The following SYN2 variants were observed in gnomAD, a reference collection of about 807,000 sequenced individuals.
The protein encoded by SYN2 is synapsin-2.
Under a neutral mutation model 50.9 loss-of-function variants are expected in SYN2, and 19 were observed. The observed-to-expected ratio is 0.37, with a 90% CI of 0.26 to 0.55. The LOEUF (loss-of-function observed/expected upper bound fraction) is 0.55. SYN2 is among the 20% of genes least tolerant of loss of function. The probability of loss-of-function intolerance (pLI) is 0.81; values close to 1 mark genes in which losing one functional copy is unlikely to be tolerated. For missense variants in SYN2, 587 were observed against 576.4 expected, an observed-to-expected ratio of 1.02 and a Z score of -0.19; for synonymous variants, 255 against 224.9, an observed-to-expected ratio of 1.13 and a Z score of -1.20.
chr3:12,063,828 A>G (rs1301383235), intron 1 of SYN2, among the ~76,000 whole-genome samples: 1 of 151,972 alleles, frequency 6.6e-6, no homozygotes, highest in African/African-American at 2.4e-5. Flanking sequence ...GATGCAAATA[A>G]ATGATTAAAG....
chr3:12,071,638 G>A, intron 1 of SYN2: 1 of 327,322 alleles, frequency 3.1e-6, no homozygotes, highest in South Asian at 2.7e-5. Flanking sequence ...TGGTCACTTT[G>A]TGGCTGTTGT....
chr3:12,124,799 C>G (rs1482995969), intron 1 of SYN2, among the ~76,000 whole-genome samples: 1 of 152,004 alleles, frequency 6.6e-6, no homozygotes, highest in Non-Finnish European at 1.5e-5. Flanking sequence ...AAAACACATA[C>G]AGGAATAATG....
chr3:12,043,758 T>G (rs964975997), intron 1 of SYN2, among the ~76,000 whole-genome samples: 4 of 152,142 alleles, frequency 2.6e-5, no homozygotes, highest in African/African-American at 4.8e-5. Context: ...ATATGACCTT[T>G]CCTATGGAAA....
chr3:12,109,586 A>G (rs763940284), intron 1 of SYN2, among the ~76,000 whole-genome samples: 1 of 152,182 alleles, frequency 6.6e-6, no homozygotes, highest in Non-Finnish European at 1.5e-5. Context: ...AGTAAATGTG[A>G]GTTCTCTTTT....
chr3:12,168,504 G>T, intron 9 of SYN2, 26 bp downstream of exon 9: 1 of 1,592,790 alleles, frequency 6.3e-7, no homozygotes, highest in Middle Eastern at 1.7e-4. Flanking sequence ...GCAGTAAGAG[G>T]TAACTCCTAA....
rs549370323 is a variant in SYN2, at chr3:12,070,757, C to T, written c.377+65829C>T. On this transcript the variant is annotated intron_variant, in intron 1 of 12. Coordinates refer to ENST00000621198, the MANE Select transcript of SYN2 (RefSeq NM_133625.6). ...TACGAGGCCTAAGCCCTCCCCCATG[C>T]CGTCCTGCATCTGGACCTGGCTGGT... The T allele has an allele frequency of 1.5e-5, 11 of 725,216 alleles. No individual in the cohort carries two copies. In the Admixed American group the frequency reaches 1.7e-4, roughly 11 times the overall value. The allele number at this position is 725,216 out of a possible 1,614,324, so 44.9% of individuals were successfully genotyped here. A position where few individuals can be genotyped will look rare whatever the true frequency, so the allele number is the denominator to read the frequency against.
At chr3:12,163,315 G>C (rs2125237748) in intron 7 of SYN2, among the ~76,000 whole-genome samples, 1 of 150,880 alleles carries the variant, frequency 6.6e-6, no homozygotes, top group South Asian at 2.1e-4. Flanking sequence ...TTAATATATA[G>C]ATTTGATCTT....
chr3:12,050,709 C>A (rs1480482535), intron 1 of SYN2, among the ~76,000 whole-genome samples: 1 of 61,690 alleles, frequency 1.6e-5, no homozygotes, highest in Non-Finnish European at 4.0e-5. Flanking sequence ...TTCTTCTCTT[C>A]TCTTTTTTTT....
intron 12 of SYN2, among the ~76,000 whole-genome samples, chr3:12,188,150 C>G (rs749164233): frequency 1.3e-5 from 2 of 152,228 alleles, no homozygotes; most frequent in Non-Finnish European, 2.9e-5. Context: ...TCAGCTCTGT[C>G]CAAAGGAGGT....
intron 1 of SYN2, among the ~76,000 whole-genome samples, chr3:12,117,808 C>A (rs778898939): frequency 1.2e-4 from 19 of 152,190 alleles, no homozygotes; most frequent in Non-Finnish European, 2.5e-4. Flanking sequence ...GCATCTTCCC[C>A]ATAGACAGGA....
chr3:12,023,505 G>A (rs1286358896), intron 1 of SYN2, among the ~76,000 whole-genome samples: 1 of 152,200 alleles, frequency 6.6e-6, no homozygotes, highest in African/African-American at 2.4e-5. Context: ...ATGGTGAAAA[G>A]AGGAAGGCAC....
intron 1 of SYN2, among the ~76,000 whole-genome samples, chr3:12,064,941 A>C (rs1695181356): frequency 6.6e-6 from 1 of 152,174 alleles, no homozygotes; most frequent in Non-Finnish European, 1.5e-5. Context: ...AGCGTTATTC[A>C]TATAGCCAAA....
At chr3:12,184,229 G>A (rs1208874320) in intron 11 of SYN2, 1 of 985,840 alleles carries the variant, frequency 1.0e-6, no homozygotes, top group East Asian at 1.1e-4. Context: ...AAAAAATGGG[G>A]CCGCTGATGT....
intron 8 of SYN2, 102 bp downstream of exon 8, chr3:12,167,410 C>T (rs1450355618): frequency 8.2e-7 from 1 of 1,217,074 alleles, no homozygotes; most frequent in African/African-American, 1.5e-5. Flanking sequence ...AGTCATGGAG[C>T]AAACCGGACA....
chr3:12,169,207 C>T (rs1045633597), intron 9 of SYN2, among the ~76,000 whole-genome samples: 4 of 152,142 alleles, frequency 2.6e-5, no homozygotes, highest in African/African-American at 9.7e-5. Context: ...GAGGCATACA[C>T]TTTCTAAAGG....
chr3:12,033,669 A>C (rs888769182), intron 1 of SYN2, among the ~76,000 whole-genome samples: 2 of 152,112 alleles, frequency 1.3e-5, no homozygotes, highest in Non-Finnish European at 2.9e-5. Context: ...AGTATTTCCC[A>C]TTCCTCCCTT....
chr3:12,099,975 G>GGAAAAAA (rs1553614911), intron 1 of SYN2, among the ~76,000 whole-genome samples: 5 of 120,186 alleles, frequency 4.2e-5, no homozygotes, highest in Admixed American at 3.8e-4. Context: ...AAAAAAAAAA[G>GGAAAAAA]AAAAAAAAAA....
At chr3:12,012,524 C>T (rs1261997656) in intron 1 of SYN2, among the ~76,000 whole-genome samples, 1 of 152,180 alleles carries the variant, frequency 6.6e-6, no homozygotes, top group East Asian at 1.9e-4. Flanking sequence ...CACAGTTTGC[C>T]TCCAGCTTTT....
chr3:12,136,775 T>G (rs765653187), intron 1 of SYN2, among the ~76,000 whole-genome samples: 4 of 152,162 alleles, frequency 2.6e-5, no homozygotes, highest in African/African-American at 9.7e-5. Context: ...GCCATTAAAC[T>G]TACATAGATC....
Sources: allele counts gnomAD v4.1 joint callset (sites outside exome capture counted in the v4.1 genomes callset), GRCh38; gene constraint gnomAD v4.1.1; transcripts MANE v1.5; gene names NCBI Gene and HGNC (gene_info 2026-07-23, HGNC 2026-07-21).